The following CNTNAP2 variants were observed in gnomAD, a reference collection of about 807,000 sequenced individuals.
CNTNAP2 encodes contactin associated protein 2.
Under a neutral mutation model 155.2 loss-of-function variants are expected in CNTNAP2, and 98 were observed. The observed-to-expected ratio is 0.63, with a 90% CI of 0.54 to 0.75. The LOEUF is 0.75. CNTNAP2 is among the 30% of genes least tolerant of loss of function. The pLI is 0.00. For synonymous variants in CNTNAP2, 651 were observed against 631.2 expected (o/e 1.03, Z -0.47); for missense variants, 1,727 against 1,688.1 (o/e 1.02, Z -0.40).
intron 1 of CNTNAP2, among the ~76,000 whole-genome samples, chr7:146,143,416 C>T (rs1195761606): frequency 6.6e-6 from 1 of 152,090 alleles, no homozygotes; most frequent in Non-Finnish European, 1.5e-5. Context: ...ACAAAAACCT[C>T]ATTTCTAAAA....
At chr7:147,917,768 C>A (rs1800185476) in intron 14 of CNTNAP2, among the ~76,000 whole-genome samples, 1 of 152,154 alleles carries the variant, frequency 6.6e-6, no homozygotes, top group African/African-American at 2.4e-5. Flanking sequence ...TTCAAAGGGG[C>A]CCTGCTAGTC....
chr7:148,250,654 T>C (rs961524235), intron 20 of CNTNAP2, among the ~76,000 whole-genome samples: 2 of 152,162 alleles, frequency 1.3e-5, no homozygotes, highest in South Asian at 2.1e-4. Flanking sequence ...CACCAGATTA[T>C]GGTTGGGTTC....
chr7:146,542,011 T>G (rs34119970), intron 1 of CNTNAP2, among the ~76,000 whole-genome samples: 23,698 of 151,822 alleles, frequency 0.16, 2,855 homozygotes, highest in African/African-American at 0.33. Flanking sequence ...GCCATGAAAA[T>G]AAACATTTTT....
At chr7:147,208,948 C>A (rs1012706116) in intron 8 of CNTNAP2, among the ~76,000 whole-genome samples, 2 of 151,838 alleles carry the variant, frequency 1.3e-5, no homozygotes, top group Admixed American at 1.3e-4. Context: ...TAGTGCTATA[C>A]AAAAAATGAT....
chr7:147,405,550 G>T (rs1039742516), intron 10 of CNTNAP2, among the ~76,000 whole-genome samples: 18 of 152,176 alleles, frequency 1.2e-4, no homozygotes, highest in African/African-American at 3.9e-4. Flanking sequence ...AACATGCTGT[G>T]TGGGAGTCAG....
At chr7:148,172,939 C>T (rs908044917) in intron 18 of CNTNAP2, among the ~76,000 whole-genome samples, 3 of 152,198 alleles carry the variant, frequency 2.0e-5, no homozygotes, top group African/African-American at 4.8e-5. Context: ...AAGCTACACT[C>T]ACCAGAAAGC....
At chr7:148,232,932 C>G (rs1795988535) in intron 20 of CNTNAP2, among the ~76,000 whole-genome samples, 1 of 152,162 alleles carries the variant, frequency 6.6e-6, no homozygotes, top group Non-Finnish European at 1.5e-5. Context: ...CATTTGCTGC[C>G]AAAAGACAAA....
intron 13 of CNTNAP2, among the ~76,000 whole-genome samples, chr7:147,677,606 G>A (rs1391503477): frequency 6.6e-6 from 1 of 151,664 alleles, no homozygotes; most frequent in Non-Finnish European, 1.5e-5. Flanking sequence ...AAAATGTCAT[G>A]TAGCTTTTTT....
intron 20 of CNTNAP2, among the ~76,000 whole-genome samples, chr7:148,246,545 C>T (rs998357207): frequency 4.6e-5 from 7 of 152,108 alleles, no homozygotes; most frequent in Admixed American, 1.3e-4. Context: ...ACCCCACATA[C>T]GAGAATCATT....
intron 13 of CNTNAP2, among the ~76,000 whole-genome samples, chr7:147,711,246 G>A (rs889875526): frequency 5.3e-5 from 8 of 152,124 alleles, no homozygotes; most frequent in East Asian, 1.9e-4. Context: ...TATATTCTCC[G>A]GAGTCTTATA....
chr7:146,426,887 T>C (rs1796101334), intron 1 of CNTNAP2, among the ~76,000 whole-genome samples: 1 of 150,484 alleles, frequency 6.6e-6, no homozygotes, highest in African/African-American at 2.5e-5. Context: ...CAATAATAAG[T>C]ATGTGAGGTA....
intron 3 of CNTNAP2, among the ~76,000 whole-genome samples, chr7:147,014,292 CA>C (rs1798680565): frequency 6.6e-6 from 1 of 152,000 alleles, no homozygotes; most frequent in Non-Finnish European, 1.5e-5. Flanking sequence ...CTAATTAAAA[CA>C]TATATTGTTA....
At chr7:146,829,563 G>GTATT (rs1803471348) in intron 2 of CNTNAP2, among the ~76,000 whole-genome samples, 1 of 151,878 alleles carries the variant, frequency 6.6e-6, no homozygotes, top group African/African-American at 2.4e-5. Context: ...AAGTCGAAAA[G>GTATT]TATTTTTTTT....
chr7:147,359,049 C>G (rs1796107141), intron 9 of CNTNAP2, among the ~76,000 whole-genome samples: 1 of 152,144 alleles, frequency 6.6e-6, no homozygotes, highest in Non-Finnish European at 1.5e-5. Context: ...CTTGCTTAAT[C>G]TCTAGAAACC....
At chr7:147,932,435 A>T (rs1324997845) in intron 14 of CNTNAP2, among the ~76,000 whole-genome samples, 1 of 152,226 alleles carries the variant, frequency 6.6e-6, no homozygotes, top group Non-Finnish European at 1.5e-5. Context: ...TCTTCAATAG[A>T]GATGCCAAGA....
intron 1 of CNTNAP2, among the ~76,000 whole-genome samples, chr7:146,443,381 G>C (rs896424085): frequency 6.6e-6 from 1 of 152,024 alleles, no homozygotes; most frequent in Non-Finnish European, 1.5e-5. Context: ...GAATAAAAGA[G>C]AGTTTCAGAG....
At chr7:148,274,574 T>G (rs1265050371) in intron 21 of CNTNAP2, among the ~76,000 whole-genome samples, 1 of 152,164 alleles carries the variant, frequency 6.6e-6, no homozygotes, top group Non-Finnish European at 1.5e-5. Context: ...TGTTTAAGTA[T>G]GTAGCACCTC....
At chr7:147,942,323 A>G (rs1157549877) in intron 14 of CNTNAP2, among the ~76,000 whole-genome samples, 1 of 151,642 alleles carries the variant, frequency 6.6e-6, no homozygotes, top group East Asian at 2.0e-4. Flanking sequence ...TAACTTAAAA[A>G]ACATTGAAAT....
chr7:147,377,178 T>C (rs1796449868), intron 9 of CNTNAP2, among the ~76,000 whole-genome samples: 1 of 151,428 alleles, frequency 6.6e-6, no homozygotes, highest in Non-Finnish European at 1.5e-5. Context: ...AAATATCGAT[T>C]TCCCCTACAA....
Sources: gnomAD v4.1 joint callset for allele counts (sites outside exome capture counted in the v4.1 genomes callset) on GRCh38, gnomAD v4.1.1 for gene constraint, MANE v1.5 for transcripts, NCBI Gene and HGNC (gene_info 2026-07-23, HGNC 2026-07-21) for gene names.